PABPC1: variants seen among roughly 807,000 people sequenced by gnomAD.
PABPC1 encodes polyadenylate-binding protein 1.
PABPC1 carries 4 observed loss-of-function variants against 74.0 expected under a neutral mutation model. The ratio of observed to expected loss-of-function variants is 0.05; its 90% confidence interval spans 0.03 to 0.12. The LOEUF (loss-of-function observed/expected upper bound fraction) is 0.12, where lower values mean the gene tolerates loss of function less well. Ranked by LOEUF, PABPC1 falls within the 10% of genes least tolerant of loss-of-function variation. The pLI is 1.00. For synonymous variants in PABPC1, 227 were observed against 264.1 expected, an observed-to-expected ratio of 0.86 and a Z score of 1.36; for missense variants, 271 against 821.1, an observed-to-expected ratio of 0.33 and a Z score of 8.19.
At chr8:100,720,688 T>C (rs903531949) in intron 1 of PABPC1, among the ~76,000 whole-genome samples, 1 of 152,120 alleles carries the variant, frequency 6.6e-6, no homozygotes, top group Non-Finnish European at 1.5e-5. Context: ...CTCCTCCCAC[T>C]CTGCCCTTTT....
At chr8:100,718,339 G>GATTAT in intron 1 of PABPC1, 59 bp from the exon 2 acceptor site, 1 of 1,396,916 alleles carries the variant, frequency 7.2e-7, no homozygotes, top group South Asian at 1.2e-5. Flanking sequence ...GGCTACTTAA[G>GATTAT]ATTATATAAA....
chr8:100,713,786 C>T (rs1265818161), intron 4 of PABPC1, among the ~76,000 whole-genome samples: 1 of 152,112 alleles, frequency 6.6e-6, no homozygotes, highest in Non-Finnish European at 1.5e-5. Flanking sequence ...TGTGCTAAGA[C>T]CAATTTGATT....
At position 100,706,938 on chromosome 8, in the gene PABPC1, T is replaced by C. The variant is rs757095866; in HGVS notation, c.1396A>G (p.Met466Val). ...PAAPRPPFST[M>V]RPASSQVPRV... ...GGAACCTGTGAAGAAGCTGGTCTCA[T>C]AGTACTAAATGGTGGTCTAGGAGCA... Residue 466 changes from methionine (M) to valine (V), a missense_variant, in exon 10 of 15, where the codon ATG becomes GTG. This residue lies in a region of PABPC1 where 103 missense variants were observed against 245.3 expected (regional missense o/e 0.42). Coordinates refer to ENST00000318607, the MANE Select transcript of PABPC1 (RefSeq NM_002568.4). 1.4e-5 allele frequency: 23 copies of C among 1,614,044 alleles called. 1 individual carries two copies. Among genetic ancestry groups the C allele is most frequent in the Middle Eastern group, 1.6e-4 (1 of 6,084 alleles).
rs58200557 is a variant in PABPC1, at chr8:100,706,828, ATT to A, written c.1448-25_1448-24del. The stretch of plus-strand genomic sequence containing the variant: ...TAGCTAAAAAATAAGAACATTTTGT[ATT>A]TTTATCTTGCTCTTTCAAATTGGTG... On this transcript the variant is annotated intron_variant, in intron 10 of 14. Transcript: ENST00000318607. The A allele has an allele frequency of 0.012, 14,572 of 1,178,494 alleles. 600 individuals are homozygous for A. The African/African-American group carries it at 0.2, about 17-fold the overall frequency. The allele number at this position is 1,178,494 out of a possible 1,614,324, so 73.0% of individuals were successfully genotyped here.
intron 1 of PABPC1, among the ~76,000 whole-genome samples, chr8:100,720,401 G>A (rs1047680035): frequency 6.6e-6 from 1 of 152,132 alleles, no homozygotes; most frequent in African/African-American, 2.4e-5. Context: ...AAGATTTACA[G>A]GTATCATGGG....
At chr8:100,717,534 T>C (rs968950965) in intron 3 of PABPC1, among the ~76,000 whole-genome samples, 1 of 152,256 alleles carries the variant, frequency 6.6e-6, no homozygotes, top group African/African-American at 2.4e-5. Context: ...ATATTAAACC[T>C]GTTATTTGTA....
intron 5 of PABPC1, 52 bp from the exon 6 acceptor site, chr8:100,712,841 A>T: frequency 2.0e-6 from 3 of 1,518,796 alleles, no homozygotes; most frequent in Middle Eastern, 1.8e-4. Context: ...TTCAACTTAC[A>T]GTTCATTTCC....
chr8:100,720,722 A>G (rs1810799583), intron 1 of PABPC1, among the ~76,000 whole-genome samples: 1 of 152,186 alleles, frequency 6.6e-6, no homozygotes, highest in Non-Finnish European at 1.5e-5. Context: ...TGCTTGATCT[A>G]GGGGAAACCC....
intron 14 of PABPC1, 199 bp downstream of exon 14, chr8:100,704,098 T>C (rs1359079549): frequency 4.1e-6 from 2 of 491,722 alleles, no homozygotes; most frequent in Non-Finnish European, 7.2e-6. Context: ...GTCCTGGGAT[T>C]TTAAAAATCC....
At position 100,709,559 on chromosome 8, in the gene PABPC1, T is replaced by A. The variant is rs1193157250; in HGVS notation, c.1145A>T (p.Tyr382Phe). 6.2e-7 allele frequency: 1 copy of A among 1,614,148 alleles called. No homozygotes were observed. The highest frequency in any genetic ancestry group is 8.5e-7 in the Non-Finnish European group (1 of 1,180,060). The stretch of plus-strand genomic sequence containing the variant: ...TCGTACACTTGCCATTCTCTGCATA[T>A]ACTGGTTAGTGAGGTGAGCCTGGCG... ...EERQAHLTNQ[Y>F]MQRMASVRAV... Residue 382 changes from tyrosine to phenylalanine, a missense_variant, in exon 8 of 15, where the codon TAT becomes TTT. Transcript: ENST00000318607.
rs916349833 is a variant in PABPC1 at position 100,707,339 on chromosome 8, C to T, written c.1337-342G>A. ...ACGGGGGACCACTACCACCAAGACG[C>T]GGAGACCAGTAGTGGCCCTGAATGT... On this transcript the variant is annotated intron_variant, in intron 9 of 14. Transcript: ENST00000318607. The T allele has an allele frequency of 4.7e-5, 13 of 274,526 alleles. No individual in the cohort carries two copies. The East Asian group carries it at 5.3e-4, about 11-fold the overall frequency. 17.0% of individuals were successfully genotyped at this position (274,526 alleles called of 1,614,324 possible). A position where few individuals can be genotyped will look rare whatever the true frequency, so the allele number is the denominator to read the frequency against.
At chr8:100,707,416 G>A (rs1810408965) in intron 9 of PABPC1, among the ~76,000 whole-genome samples, 1 of 152,174 alleles carries the variant, frequency 6.6e-6, no homozygotes, top group Non-Finnish European at 1.5e-5. Context: ...AGGGTAAAGA[G>A]TGTGAGTCAT....
intron 1 of PABPC1, among the ~76,000 whole-genome samples, chr8:100,718,762 CAA>C (rs2129754306): frequency 6.6e-6 from 1 of 152,132 alleles, no homozygotes; most frequent in Admixed American, 6.5e-5. Context: ...TAATAACTAA[CAA>C]TATTATATGA....
rs1554595534 is a variant in PABPC1, at chr8:100,709,736, TAAAAAA to T, written c.973-11_973-6del. 7.6e-5 allele frequency: 108 copies of T among 1,421,480 alleles called. No individual in the cohort carries two copies. Among genetic ancestry groups the T allele is most frequent in the Non-Finnish European group, 9.8e-5 (105 of 1,075,440 alleles). The allele number at this position is 1,421,480 out of a possible 1,614,324, so 88.1% of individuals were successfully genotyped here. A position where few individuals can be genotyped will look rare whatever the true frequency, so the allele number is the denominator to read the frequency against. ...GCGACCACCCTCCATCATAACCTAT[TAAAAAA>T]AAGAAAAAAAAAGTTAACGTAATGG... On this transcript the variant is annotated splice_polypyrimidine_tract_variant and splice_region_variant and intron_variant, in intron 7 of 14. Transcript: ENST00000318607.
chr8:100,709,062 G>C, intron 9 of PABPC1, 71 bp downstream of exon 9: 1 of 1,133,694 alleles, frequency 8.8e-7, no homozygotes, highest in South Asian at 1.3e-5. Flanking sequence ...CATTGACATA[G>C]AAGAGCTGAT....
rs1029340346 is a variant in PABPC1, at chr8:100,721,031, C to G, written c.193+360G>C. The stretch of plus-strand genomic sequence containing the variant: ...GGTGGGAGCGCCTCCACCTCTTACC[C>G]ACGGAAGGAGCTCAGCGTTCAACGC... On this transcript the variant is annotated intron_variant, in intron 1 of 14. Coordinates refer to ENST00000318607, the MANE Select transcript of PABPC1 (RefSeq NM_002568.4). The surrounding 1 kb of genome is among the most constrained non-coding windows in gnomAD (Gnocchi z 7.4). 6.6e-6 allele frequency among the ~76,000 whole-genome samples: 1 copy of G among 151,624 alleles called. No homozygotes were observed. The highest frequency in any genetic ancestry group is 1.5e-5 in the Non-Finnish European group (1 of 68,022).
At chr8:100,709,393 A>T (rs1810470305) in intron 8 of PABPC1, 66 bp downstream of exon 8, 1 of 1,585,660 alleles carries the variant, frequency 6.3e-7, no homozygotes, top group East Asian at 2.2e-5. Context: ...GGCGAGGGGC[A>T]CAAAAAACAC....
Position 100,712,789 on chromosome 8 carries a change from C to T in PABPC1, c.739G>A (p.Ala247Thr). 6.5e-7 allele frequency: 1 copy of T among 1,546,614 alleles called. No individual in the cohort carries two copies. The highest frequency in any genetic ancestry group is 8.6e-7 in the Non-Finnish European group (1 of 1,160,912). Residue 247 changes from alanine to threonine, a missense_variant and splice_region_variant, in exon 6 of 15, where the codon GCT (alanine) becomes ACT (threonine). Physicochemically the swap from Ala to Thr is moderately conservative, Grantham distance 58 (BLOSUM62 0). Around this residue, in one of 7 missense-constraint regions of PABPC1, gnomAD observed 78 missense variants for 202.8 expected, o/e 0.38. Coordinates refer to ENST00000318607, the MANE Select transcript of PABPC1 (RefSeq NM_002568.4). ...SFERHEDAQK[A>T]VDEMNGKELN... ...TCCTTTCCGTTCATCTCATCCACAG[C>T]CTTCCCCCCAAAAAAAAAGAAAAAA...
intron 7 of PABPC1, 87 bp from the exon 8 acceptor site, chr8:100,709,818 C>G: frequency 1.5e-6 from 2 of 1,323,694 alleles, no homozygotes; most frequent in Non-Finnish European, 2.0e-6. Flanking sequence ...TTATAAATCA[C>G]TGAATCAAAT....
Sources: allele counts gnomAD v4.1 joint callset (sites outside exome capture counted in the v4.1 genomes callset), GRCh38; gene constraint gnomAD v4.1.1; regional missense constraint gnomAD v4.1.1; non-coding constraint Gnocchi (gnomAD v3.1); transcripts MANE v1.5; gene names NCBI Gene and HGNC (gene_info 2026-07-23, HGNC 2026-07-21).